Variants in DNAJC1 observed in about 807,000 individuals in gnomAD.
DNAJC1 encodes DnaJ heat shock protein family (Hsp40) member C1, also known as dnaJ homolog subfamily C member 1.
A neutral mutation model predicts 76.6 loss-of-function variants in DNAJC1; 58 were observed. The ratio of observed to expected loss-of-function variants is 0.76; its 90% confidence interval spans 0.61 to 0.94. The LOEUF (loss-of-function observed/expected upper bound fraction) is 0.94, where lower values mean the gene tolerates loss of function less well. DNAJC1 is among the 40% of genes least tolerant of loss of function. The probability of loss-of-function intolerance (pLI) is 0.00; values close to 1 mark genes in which losing one functional copy is unlikely to be tolerated. For synonymous variants in DNAJC1, 258 were observed against 267.9 expected (o/e 0.96, Z 0.36); for missense variants, 689 against 677.3 (o/e 1.02, Z -0.19).
chr10:21,986,860 C>T (rs898132350), intron 1 of DNAJC1, among the ~76,000 whole-genome samples: 3 of 152,068 alleles, frequency 2.0e-5, no homozygotes, highest in African/African-American at 7.2e-5. Flanking sequence ...CTCCGCCTCC[C>T]AGGTTCAAGC....
intron 2 of DNAJC1, 73 bp downstream of exon 2, chr10:21,928,967 A>C (rs1437971646): frequency 2.2e-6 from 2 of 920,682 alleles, no homozygotes; most frequent in East Asian, 5.6e-5. Flanking sequence ...TCCATATATA[A>C]GTGAATATTT....
intron 9 of DNAJC1, among the ~76,000 whole-genome samples, chr10:21,800,325 G>C (rs1175860735): frequency 6.6e-6 from 1 of 152,134 alleles, no homozygotes; most frequent in Admixed American, 6.6e-5. Flanking sequence ...CCACTAGTGG[G>C]AATGTGTATT....
chr10:21,770,460 C>T (rs994082777), intron 9 of DNAJC1, among the ~76,000 whole-genome samples: 4 of 146,832 alleles, frequency 2.7e-5, no homozygotes, highest in African/African-American at 5.1e-5. Flanking sequence ...TGCAGTGGCA[C>T]GATCTCGACT....
intron 9 of DNAJC1, among the ~76,000 whole-genome samples, chr10:21,766,968 T>TAAA (rs1275709137): frequency 8.6e-5 from 6 of 69,900 alleles, no homozygotes; most frequent in African/African-American, 2.4e-4. Flanking sequence ...AGACCCTGCC[T>TAAA]AAAAAAAAAA....
chr10:21,933,797 C>T (rs1330901135), intron 1 of DNAJC1, among the ~76,000 whole-genome samples: 3 of 152,110 alleles, frequency 2.0e-5, no homozygotes, highest in Non-Finnish European at 4.4e-5. Flanking sequence ...TGACATGTTA[C>T]CCTTCCTAAT....
intron 1 of DNAJC1, among the ~76,000 whole-genome samples, chr10:21,932,282 G>T (rs1432567078): frequency 6.6e-6 from 1 of 152,158 alleles, no homozygotes; most frequent in Non-Finnish European, 1.5e-5. Flanking sequence ...TGAGGCTGCA[G>T]TGAGCCACGA....
intron 8 of DNAJC1, among the ~76,000 whole-genome samples, chr10:21,811,380 C>G (rs1196730385): frequency 6.6e-6 from 1 of 152,134 alleles, no homozygotes; most frequent in East Asian, 1.9e-4. Context: ...CGAAATGACT[C>G]ACCTTGAATG....
chr10:21,776,350 C>G (rs1834454320), intron 9 of DNAJC1, among the ~76,000 whole-genome samples: 1 of 152,088 alleles, frequency 6.6e-6, no homozygotes, highest in Admixed American at 6.5e-5. Flanking sequence ...AGTACTTAAT[C>G]TGGAAAATAA....
intron 8 of DNAJC1, among the ~76,000 whole-genome samples, chr10:21,831,867 A>T (rs566650881): frequency 6.6e-6 from 1 of 152,236 alleles, no homozygotes; most frequent in African/African-American, 2.4e-5. Flanking sequence ...GGTGGCCAGA[A>T]ATCTCCCAAG....
At chr10:21,950,392 A>G (rs1837573341) in intron 1 of DNAJC1, among the ~76,000 whole-genome samples, 1 of 152,152 alleles carries the variant, frequency 6.6e-6, no homozygotes, top group South Asian at 2.1e-4. Flanking sequence ...AATTTAATCA[A>G]TAAATGTTGT....
chr10:22,003,236 A>G lies in DNAJC1; in HGVS notation c.199T>C (p.Tyr67His). Residue 67 changes from tyrosine to histidine, a missense_variant, in exon 1 of 12, where the codon TAC becomes CAC. Coordinates refer to ENST00000376980, the MANE Select transcript of DNAJC1 (RefSeq NM_022365.4). ...DLVEEVQLNF[Y>H]QFLGVQQDAS... is the part of the protein sequence containing the mutation. Reference sequence around the variant, plus strand: ...ACCTGCTGCACCCCGAGGAACTGGTAGAAGTTGAGCTGCACCTCCTCCACT... The same window carrying G: ...ACCTGCTGCACCCCGAGGAACTGGTGGAAGTTGAGCTGCACCTCCTCCACT... 6.4e-7 allele frequency: 1 copy of G among 1,570,514 alleles called. No individual in the cohort carries two copies. The highest frequency in any genetic ancestry group is 1.4e-5 in the African/African-American group (1 of 71,774).
In DNAJC1 at chr10:21,777,640, C is replaced by T. The variant is rs545425906; in HGVS notation, c.1099-11331G>A. On this transcript the variant is annotated intron_variant, in intron 9 of 11. Coordinates refer to ENST00000376980, the MANE Select transcript of DNAJC1 (RefSeq NM_022365.4). ...GATCAAGGTATGACAAAGAACAGTG[C>T]TGCCACATATGCAGGGTTTGAAATC... 2.0e-5 allele frequency among the ~76,000 whole-genome samples: 3 copies of T among 152,314 alleles called. No individual in the cohort carries two copies. In the South Asian group the frequency reaches 6.2e-4, roughly 32 times the overall value.
intron 9 of DNAJC1, among the ~76,000 whole-genome samples, chr10:21,783,635 T>C (rs1834563766): frequency 6.6e-6 from 1 of 152,158 alleles, no homozygotes; most frequent in Non-Finnish European, 1.5e-5. Flanking sequence ...GGCATCACAC[T>C]ACCTGACTTC....
intron 11 of DNAJC1, 143 bp downstream of exon 11, chr10:21,759,027 T>A: frequency 1.2e-6 from 1 of 850,630 alleles, no homozygotes; most frequent in Non-Finnish European, 1.9e-6. Context: ...GGGAGAAATA[T>A]ACTGGAAGAT....
chr10:21,983,143 TCAAA>T (rs1193671908), intron 1 of DNAJC1, among the ~76,000 whole-genome samples: 2 of 152,264 alleles, frequency 1.3e-5, no homozygotes, highest in East Asian at 3.9e-4. Context: ...AAGCAGGGGC[TCAAA>T]CAGATACTTG....
rs141394053 is a variant in DNAJC1, at chr10:21,833,004, C to T, written c.979-26905G>A. On this transcript the variant is annotated intron_variant, in intron 8 of 11. Coordinates refer to ENST00000376980, the MANE Select transcript of DNAJC1 (RefSeq NM_022365.4). The stretch of plus-strand genomic sequence containing the variant: ...CTTAGTTTCTGGAATGTTTTCCCCA[C>T]CCCACTTCTAAATCTTTCATAAAAA... Among the ~76,000 whole-genome samples the T allele has an allele frequency of 4.9e-3, 747 of 152,300 alleles. 9 individuals carry two copies. The highest frequency in any genetic ancestry group is 0.017 in the African/African-American group (717 of 41,562).
chr10:21,918,377 T>TG (rs1287521819), intron 6 of DNAJC1, among the ~76,000 whole-genome samples: 85 of 147,044 alleles, frequency 5.8e-4, no homozygotes, highest in African/African-American at 2.1e-3. Flanking sequence ...CATGTAAAGT[T>TG]TTTTTTTTTT....
At chr10:21,869,444 A>G (rs906788522) in intron 8 of DNAJC1, among the ~76,000 whole-genome samples, 1 of 152,084 alleles carries the variant, frequency 6.6e-6, no homozygotes, top group Non-Finnish European at 1.5e-5. Context: ...ATGTCCTGAC[A>G]TTCTGAGCTA....
chr10:21,880,574 G>GTGAC (rs752177414), intron 8 of DNAJC1, among the ~76,000 whole-genome samples: 1 of 152,076 alleles, frequency 6.6e-6, no homozygotes, highest in Non-Finnish European at 1.5e-5. Flanking sequence ...GAGCTCTTGG[G>GTGAC]TGACTAGGTA....
Sources: gnomAD v4.1 joint callset for allele counts (sites outside exome capture counted in the v4.1 genomes callset) on GRCh38, gnomAD v4.1.1 for gene constraint, MANE v1.5 for transcripts, NCBI Gene and HGNC (gene_info 2026-07-23, HGNC 2026-07-21) for gene names.